Variants in CPNE5 observed in about 807,000 individuals in gnomAD.
CPNE5 encodes the protein copine-5.
A neutral mutation model predicts 81.1 loss-of-function variants in CPNE5; 42 were observed. That is an observed-to-expected ratio of 0.52 (90% CI 0.40 to 0.67). The LOEUF (loss-of-function observed/expected upper bound fraction) is 0.67. Among genes scored for constraint, CPNE5 ranks in the 30% least tolerant of loss-of-function variants. The pLI, the probability that CPNE5 is intolerant of heterozygous loss-of-function variation, is 0.00. For synonymous variants in CPNE5, 313 were observed against 321.5 expected, an observed-to-expected ratio of 0.97 and a Z score of 0.28; for missense variants, 612 against 815.5, an observed-to-expected ratio of 0.75 and a Z score of 3.04.
intron 3 of CPNE5, among the ~76,000 whole-genome samples, chr6:36,811,153 TCCCCAC>T (rs1771067055): frequency 6.6e-6 from 1 of 152,080 alleles, no homozygotes; most frequent in South Asian, 2.1e-4. Flanking sequence ...CACCACCTTG[TCCCCAC>T]CCCCAGCCTT....
chr6:36,837,608 C>T (rs1048749396), intron 1 of CPNE5, among the ~76,000 whole-genome samples: 4 of 152,060 alleles, frequency 2.6e-5, no homozygotes, highest in South Asian at 2.1e-4. Context: ...CTAGGGCCCA[C>T]GGGACACAGA....
rs565329860 is a variant in CPNE5, at chr6:36,745,527, A to G, written c.1201-12T>C. ...TCCTGGTTGCCATTCTGGGGGACAGAGGGCAGGGAGGCTGAGCCCAGGAAG... is the reference window on the plus strand; with the variant it reads ...TCCTGGTTGCCATTCTGGGGGACAGGGGGCAGGGAGGCTGAGCCCAGGAAG... On this transcript the variant is annotated splice_polypyrimidine_tract_variant and intron_variant, in intron 16 of 20. Transcript: ENST00000244751. 7 of 1,595,966 alleles carry G rather than the reference A, an allele frequency of 4.4e-6. No individual in the cohort carries two copies. The highest frequency in any genetic ancestry group is 2.6e-6 in the Non-Finnish European group (3 of 1,171,104).
chr6:36,815,460 C>T (rs376820319), intron 3 of CPNE5, among the ~76,000 whole-genome samples: 1 of 152,162 alleles, frequency 6.6e-6, no homozygotes, highest in Admixed American at 6.5e-5. Context: ...GGGCAGAGCC[C>T]TCATGAATGG....
intron 1 of CPNE5, among the ~76,000 whole-genome samples, chr6:36,830,346 T>C (rs894021887): frequency 6.6e-6 from 1 of 152,134 alleles, no homozygotes; most frequent in African/African-American, 2.4e-5. Context: ...AAGAGGAGAA[T>C]GGGAGGGTTT....
chr6:36,779,891 C>T (rs1478597032), intron 8 of CPNE5, among the ~76,000 whole-genome samples: 2 of 152,120 alleles, frequency 1.3e-5, no homozygotes, highest in African/African-American at 4.8e-5. Context: ...CAGCTGAGCT[C>T]AGGGCTCTGT....
chr6:36,746,299 C>G lies in CPNE5; in HGVS notation c.1200+97G>C. On this transcript the variant is annotated intron_variant, in intron 16 of 20. Coordinates refer to ENST00000244751, the MANE Select transcript of CPNE5 (RefSeq NM_020939.2). The surrounding 1 kb of genome is among the most constrained non-coding windows in gnomAD (Gnocchi z 4.5). ...CCTCCACTGAGGCTGAGCCTTAAGT[C>G]CCCGGGCTCAGAGGAAGGGAAACGT... The G allele has an allele frequency of 6.8e-7, 1 of 1,476,232 alleles. No individual in the cohort carries two copies. The highest frequency in any genetic ancestry group is 1.4e-5 in the South Asian group (1 of 73,796). The allele number at this position is 1,476,232 out of a possible 1,614,324, so 91.4% of individuals were successfully genotyped here. A position where few individuals can be genotyped will look rare whatever the true frequency, so the allele number is the denominator to read the frequency against.
intron 6 of CPNE5, 101 bp from the exon 7 acceptor site, chr6:36,794,750 G>T (rs1377347951): frequency 2.9e-6 from 3 of 1,037,380 alleles, no homozygotes; most frequent in African/African-American, 3.2e-5. Flanking sequence ...ACAAGCGGCT[G>T]CTCTGGAAGT....
intron 13 of CPNE5, among the ~76,000 whole-genome samples, 171 bp from the exon 14 acceptor site, chr6:36,753,266 G>A (rs552327264): frequency 6.6e-6 from 1 of 152,346 alleles, no homozygotes; most frequent in Admixed American, 6.5e-5. Flanking sequence ...CCACTTTATA[G>A]CCAAGGAAAC....
At chr6:36,745,021 C>G (rs1442456010) in intron 18 of CPNE5, 27 bp downstream of exon 18, 1 of 1,540,986 alleles carries the variant, frequency 6.5e-7, no homozygotes, top group African/African-American at 1.4e-5. Flanking sequence ...CTCAAACCGC[C>G]TCCCCCACCG....
At chr6:36,833,750 C>T (rs888541183) in intron 1 of CPNE5, among the ~76,000 whole-genome samples, 1 of 152,140 alleles carries the variant, frequency 6.6e-6, no homozygotes, top group Non-Finnish European at 1.5e-5. Context: ...CCTGCCAATA[C>T]CTTGATTCCA....
chr6:36,745,579 GA>G, intron 16 of CPNE5, 64 bp from the exon 17 acceptor site: 1 of 1,519,732 alleles, frequency 6.6e-7, no homozygotes, highest in Non-Finnish European at 8.9e-7. Context: ...CGATGTGTGG[GA>G]ACTGAGTCCA....
chr6:36,766,132 G>A lies in CPNE5; in HGVS notation c.738-756C>T, dbSNP rs1440811983. Among the ~76,000 whole-genome samples the A allele has an allele frequency of 6.6e-6, 1 of 152,158 alleles. No homozygotes were observed. The highest frequency in any genetic ancestry group is 1.5e-5 in the Non-Finnish European group (1 of 68,014). On this transcript the variant is annotated intron_variant, in intron 10 of 20. Coordinates refer to ENST00000244751, the MANE Select transcript of CPNE5 (RefSeq NM_020939.2). The surrounding 1 kb of genome is among the most constrained non-coding windows in gnomAD (Gnocchi z 4.2). ...CCTCCAGGGATGCCCAGGGACAGGGGAGCTGCCAGGGTCCCACAGCAGGGT... is the reference window on the plus strand; with the variant it reads ...CCTCCAGGGATGCCCAGGGACAGGGAAGCTGCCAGGGTCCCACAGCAGGGT...
chr6:36,769,995 G>A (rs942477750), intron 10 of CPNE5, among the ~76,000 whole-genome samples: 2 of 152,230 alleles, frequency 1.3e-5, no homozygotes, highest in African/African-American at 4.8e-5. Context: ...TGAGCAGCCT[G>A]ACCCAGACAA....
At chr6:36,833,103 C>T (rs1012468116) in intron 1 of CPNE5, among the ~76,000 whole-genome samples, 5 of 152,170 alleles carry the variant, frequency 3.3e-5, no homozygotes, top group African/African-American at 1.2e-4. Context: ...CTCAGGCCTC[C>T]ACCACCATCC....
chr6:36,786,638 T>C (rs1016551611), intron 8 of CPNE5, among the ~76,000 whole-genome samples: 2 of 152,222 alleles, frequency 1.3e-5, no homozygotes, highest in African/African-American at 4.8e-5. Flanking sequence ...TTATATTGTT[T>C]CCTAAAAAGA....
At chr6:36,799,837 C>T in intron 4 of CPNE5, 130 bp downstream of exon 4, 3 of 671,884 alleles carry the variant, frequency 4.5e-6, no homozygotes, top group Non-Finnish European at 7.9e-6. Context: ...CTAATTGTCA[C>T]TTCTATCCCA....
At chr6:36,761,668 C>T (rs1256975869) in intron 12 of CPNE5, among the ~76,000 whole-genome samples, 1 of 152,214 alleles carries the variant, frequency 6.6e-6, no homozygotes, top group African/African-American at 2.4e-5. Flanking sequence ...GAAGACAGTG[C>T]TGACCTCTGG....
Position 36,808,143 on chromosome 6 carries a change from T to G in CPNE5, c.184-8073A>C, listed in dbSNP as rs150984745. Reference sequence around the variant, plus strand: ...TTTGCTCTTGTTGCCCAGGCTGGAGTGCAGTGGCGCGATCTTGGCTCACTG... The same window carrying G: ...TTTGCTCTTGTTGCCCAGGCTGGAGGGCAGTGGCGCGATCTTGGCTCACTG... On this transcript the variant is annotated intron_variant, in intron 3 of 20. Coordinates refer to ENST00000244751, the MANE Select transcript of CPNE5 (RefSeq NM_020939.2). Among the ~76,000 whole-genome samples, 1,425 of 151,762 alleles carry G rather than the reference T, an allele frequency of 9.4e-3. 20 individuals carry two copies. Among genetic ancestry groups the G allele is most frequent in the African/African-American group, 0.032 (1,306 of 41,326 alleles).
At chr6:36,750,044 A>G (rs2150372063) in intron 14 of CPNE5, among the ~76,000 whole-genome samples, 1 of 152,320 alleles carries the variant, frequency 6.6e-6, no homozygotes, top group African/African-American at 2.4e-5. Context: ...AGAAATGCCA[A>G]TTGAGTTTGT....
Sources: gnomAD v4.1 joint callset for allele counts (sites outside exome capture counted in the v4.1 genomes callset) on GRCh38, gnomAD v4.1.1 for gene constraint, Gnocchi (gnomAD v3.1) non-coding constraint, MANE v1.5 for transcripts, NCBI Gene and HGNC (gene_info 2026-07-23, HGNC 2026-07-21) for gene names.